The following TYW1B variants were observed in gnomAD, a reference collection of about 807,000 sequenced individuals.
The protein encoded by TYW1B is S-adenosyl-L-methionine-dependent tRNA 4-demethylwyosine synthase TYW1B.
TYW1B carries 73 observed loss-of-function variants against 86.9 expected under a neutral mutation model. The observed-to-expected ratio is 0.84, with a 90% CI of 0.70 to 1.02. TYW1B has a LOEUF of 1.02. Ranked by LOEUF, TYW1B falls within the 50% of genes least tolerant of loss-of-function variation. TYW1B has a pLI of 0.00. For synonymous variants in TYW1B, 248 were observed against 292.8 expected (o/e 0.85, Z 1.56); for missense variants, 637 against 827.4 (o/e 0.77, Z 2.82).
At position 72,826,959 on chromosome 7, in the gene TYW1B, A is replaced by G. The variant is rs1788944127; in HGVS notation, c.31T>C (p.Ser11Pro). Reference sequence around the variant, plus strand: ...ATCCATAATGATATTAAAGGTGAGGAGAGGTCCCATGTATCCGCAGAAGGA... The same window carrying G: ...ATCCATAATGATATTAAAGGTGAGGGGAGGTCCCATGTATCCGCAGAAGGA... MDPSADTWDL[S>P]SPLISLWINR... Residue 11 changes from serine to proline, a missense_variant, in exon 2 of 14, where the codon TCC (serine) becomes CCC (proline). Transcript: ENST00000620995. 6.2e-7 allele frequency: 1 copy of G among 1,612,856 alleles called. No homozygotes were observed. The highest frequency in any genetic ancestry group is 2.2e-5 in the East Asian group (1 of 44,852).
At chr7:72,688,007 T>G (rs4121337) in intron 11 of TYW1B, among the ~76,000 whole-genome samples, 10 of 152,260 alleles carry the variant, frequency 6.6e-5, no homozygotes, top group South Asian at 2.1e-4. Context: ...GGCAACAAAA[T>G]GAAATCACCA....
chr7:72,787,914 C>T lies in TYW1B; in HGVS notation c.847-10381G>A, dbSNP rs1486582109. Among the ~76,000 whole-genome samples, 63 of 152,118 alleles carry T rather than the reference C, an allele frequency of 4.1e-4. 1 individual carries two copies. The highest frequency in any genetic ancestry group is 1.5e-5 in the Non-Finnish European group (1 of 68,026). ...TAAAGCTAGGGAAGGTTAAACTGTACATTTAGATCACCAAGTTATAATCTC... is the reference window on the plus strand; with the variant it reads ...TAAAGCTAGGGAAGGTTAAACTGTATATTTAGATCACCAAGTTATAATCTC... On this transcript the variant is annotated intron_variant, in intron 6 of 13. Transcript: ENST00000620995.
chr7:72,644,072 T>A (rs1231845208), intron 11 of TYW1B, among the ~76,000 whole-genome samples: 1 of 152,218 alleles, frequency 6.6e-6, no homozygotes, highest in Non-Finnish European at 1.5e-5. Context: ...ACTGCATGAA[T>A]AGAATTTGGT....
intron 9 of TYW1B, among the ~76,000 whole-genome samples, chr7:72,720,182 G>C (rs1356424110): frequency 2.6e-5 from 4 of 152,298 alleles, no homozygotes; most frequent in East Asian, 1.9e-4. Flanking sequence ...GAGAGAGTGA[G>C]AGGGCTCAAT....
intron 13 of TYW1B, among the ~76,000 whole-genome samples, chr7:72,594,946 A>C (rs1811493386): frequency 6.6e-6 from 1 of 152,214 alleles, no homozygotes; most frequent in South Asian, 2.1e-4. Context: ...CGTGTTTTTC[A>C]TGATAAAAAC....
intron 11 of TYW1B, among the ~76,000 whole-genome samples, chr7:72,642,544 A>G (rs1421012842): frequency 5.3e-5 from 8 of 152,232 alleles, no homozygotes; most frequent in African/African-American, 2.4e-5. Flanking sequence ...AACGTCCATC[A>G]GCTGAAGAAC....
chr7:72,781,649 C>T (rs1788052317), intron 6 of TYW1B, among the ~76,000 whole-genome samples: 1 of 152,220 alleles, frequency 6.6e-6, no homozygotes, highest in African/African-American at 2.4e-5. Context: ...GTTCTCTCCA[C>T]CTACAATGCC....
chr7:72,667,032 A>AG, intron 11 of TYW1B, among the ~76,000 whole-genome samples: 1 of 52,138 alleles, frequency 1.9e-5, no homozygotes, highest in African/African-American at 6.4e-5. Flanking sequence ...ACTCCGTCTC[A>AG]AAAAAAAAAA....
chr7:72,762,220 C>T (rs1787697072), intron 7 of TYW1B, among the ~76,000 whole-genome samples: 1 of 152,128 alleles, frequency 6.6e-6, no homozygotes, highest in Admixed American at 6.6e-5. Flanking sequence ...TTCCTACTCT[C>T]AGGTTGGAGA....
At chr7:72,728,587 G>T (rs1787048190) in intron 9 of TYW1B, among the ~76,000 whole-genome samples, 1 of 152,158 alleles carries the variant, frequency 6.6e-6, no homozygotes, top group Admixed American at 6.5e-5. Context: ...GATTAGACAG[G>T]CGTGAGCCAT....
chr7:72,581,492 C>T (rs1287332122), intron 13 of TYW1B, among the ~76,000 whole-genome samples: 1 of 152,156 alleles, frequency 6.6e-6, no homozygotes, highest in Admixed American at 6.6e-5. Flanking sequence ...GAGTCATGCT[C>T]TGTTGCCCAG....
In TYW1B at chr7:72,809,061, G is replaced by A. The variant is rs868981726; in HGVS notation, c.432+1410C>T. 3.6e-4 allele frequency among the ~76,000 whole-genome samples: 27 copies of A among 75,536 alleles called. 1 individual carries two copies. Among genetic ancestry groups the A allele is most frequent in the Non-Finnish European group, 6.2e-4 (24 of 38,792 alleles). The allele number at this position is 75,536 out of a possible 152,430, so 49.6% of individuals were successfully genotyped here. A position where few individuals can be genotyped will look rare whatever the true frequency, so the allele number is the denominator to read the frequency against. On this transcript the variant is annotated intron_variant, in intron 4 of 13. Transcript: ENST00000620995. ...TCATGATTTTTTTTTTTTTTTTTTT[G>A]AGATGGAGTCTCACTCTGTCGCCCA...
At chr7:72,821,082 C>T (rs373654074) in intron 2 of TYW1B, among the ~76,000 whole-genome samples, 136 of 152,316 alleles carry the variant, frequency 8.9e-4, no homozygotes, top group African/African-American at 3.1e-3. Context: ...AAGTGATTCT[C>T]GTGCCTTAGC....
chr7:72,795,425 T>C lies in TYW1B; in HGVS notation c.846+6975A>G, dbSNP rs1788288387. 2.0e-5 allele frequency among the ~76,000 whole-genome samples: 3 copies of C among 151,854 alleles called. No individual in the cohort carries two copies. The South Asian group carries it at 6.2e-4, about 32-fold the overall frequency. ...TGTTATTGTTTATGATATTGACATTTACAAAGTCTAAAAGGCTTGTGGCAA... is the reference window on the plus strand; with the variant it reads ...TGTTATTGTTTATGATATTGACATTCACAAAGTCTAAAAGGCTTGTGGCAA... On this transcript the variant is annotated intron_variant, in intron 6 of 13. Transcript: ENST00000620995.
intron 9 of TYW1B, among the ~76,000 whole-genome samples, chr7:72,718,663 TAACTC>T (rs1554456720): frequency 6.6e-6 from 1 of 152,196 alleles, no homozygotes; most frequent in East Asian, 1.9e-4. Flanking sequence ...TCTAAGATCT[TAACTC>T]AAGTAAAACA....
intron 10 of TYW1B, among the ~76,000 whole-genome samples, chr7:72,710,545 C>G (rs1376432778): frequency 6.6e-6 from 1 of 152,078 alleles, no homozygotes; most frequent in Non-Finnish European, 1.5e-5. Flanking sequence ...TAAATTTCAG[C>G]CTGGGCTCGG....
intron 8 of TYW1B, among the ~76,000 whole-genome samples, chr7:72,736,251 G>A (rs553044276): frequency 6.6e-6 from 1 of 152,300 alleles, no homozygotes; most frequent in East Asian, 1.9e-4. Context: ...AAGGAAGGAG[G>A]AAGTAACTTG....
At chr7:72,798,576 A>G (rs1308105958) in intron 6 of TYW1B, among the ~76,000 whole-genome samples, 3 of 152,168 alleles carry the variant, frequency 2.0e-5, no homozygotes, top group Non-Finnish European at 2.9e-5. Flanking sequence ...GCTGCAATGC[A>G]TAAGCCTGTG....
At chr7:72,809,203 T>G (rs1285861763) in intron 4 of TYW1B, among the ~76,000 whole-genome samples, 7 of 151,806 alleles carry the variant, frequency 4.6e-5, no homozygotes, top group African/African-American at 1.7e-4. Context: ...TCACCACACC[T>G]AGCTAATTTT....
Sources: gnomAD v4.1 joint callset for allele counts (sites outside exome capture counted in the v4.1 genomes callset) on GRCh38, gnomAD v4.1.1 for gene constraint, MANE v1.5 for transcripts, NCBI Gene and HGNC (gene_info 2026-07-23, HGNC 2026-07-21) for gene names.